Variants in CPNE4 observed in about 807,000 individuals in gnomAD.
CPNE4 encodes the protein copine-4.
A neutral mutation model predicts 67.9 loss-of-function variants in CPNE4; 25 were observed. The observed-to-expected ratio is 0.37, with a 90% confidence interval of 0.27 to 0.51. The LOEUF (loss-of-function observed/expected upper bound fraction) is 0.51. CPNE4 is among the 20% of genes least tolerant of loss of function. CPNE4 has a pLI of 0.93. For missense variants in CPNE4, 464 were observed against 690.8 expected (o/e 0.67, Z 3.68); for synonymous variants, 242 against 244.9 (o/e 0.99, Z 0.11).
chr3:131,586,730 G>A (rs74877086), intron 8 of CPNE4, among the ~76,000 whole-genome samples: 2,155 of 93,348 alleles, frequency 0.023, 26 homozygotes, highest in African/African-American at 0.088. Context: ...ATCTCTATCT[G>A]TCTGTCTGTC....
At chr3:131,680,832 TC>T (rs2080731950) in intron 6 of CPNE4, among the ~76,000 whole-genome samples, 1 of 152,084 alleles carries the variant, frequency 6.6e-6, no homozygotes, top group Non-Finnish European at 1.5e-5. Flanking sequence ...TCCCACCCTT[TC>T]CCCTGCGTCC....
chr3:131,999,031 G>A (rs2073362673), intron 1 of CPNE4, among the ~76,000 whole-genome samples: 1 of 151,874 alleles, frequency 6.6e-6, no homozygotes, highest in Admixed American at 6.6e-5. Context: ...GGTGGGCAGG[G>A]GAGGCTAAGA....
chr3:131,846,283 G>A (rs1337466258), intron 2 of CPNE4, among the ~76,000 whole-genome samples: 1 of 152,102 alleles, frequency 6.6e-6, no homozygotes, highest in Non-Finnish European at 1.5e-5. Flanking sequence ...GGATCCAAGA[G>A]GTGTTCGTTT....
chr3:131,714,440 G>A (rs146360871), intron 3 of CPNE4, among the ~76,000 whole-genome samples: 84 of 152,310 alleles, frequency 5.5e-4, no homozygotes, highest in Non-Finnish European at 9.1e-4. Flanking sequence ...TGAAAGCTGT[G>A]TACATTGGCC....
At chr3:131,808,553 G>T (rs914749275) in intron 2 of CPNE4, among the ~76,000 whole-genome samples, 9 of 151,966 alleles carry the variant, frequency 5.9e-5, no homozygotes, top group African/African-American at 2.2e-4. Flanking sequence ...TATTTTTTAA[G>T]AATTGGTCAT....
intron 3 of CPNE4, 23 bp from the exon 4 acceptor site, chr3:131,700,003 T>C: frequency 6.4e-7 from 1 of 1,552,622 alleles, no homozygotes; most frequent in Non-Finnish European, 8.8e-7. Flanking sequence ...AAACAAAAGG[T>C]AACAAAAGGT....
intron 1 of CPNE4, among the ~76,000 whole-genome samples, chr3:132,029,441 C>T (rs1432994146): frequency 6.6e-6 from 1 of 152,150 alleles, no homozygotes; most frequent in Non-Finnish European, 1.5e-5. Context: ...GCTTATGGGT[C>T]CCGGAGGTTG....
At chr3:131,784,053 T>G (rs2083491862) in intron 2 of CPNE4, among the ~76,000 whole-genome samples, 1 of 152,132 alleles carries the variant, frequency 6.6e-6, no homozygotes. Context: ...TTTTAAGGTT[T>G]TTAACTCTCA....
chr3:131,555,462 T>C (rs1272743601), intron 12 of CPNE4, 35 bp downstream of exon 12: 2 of 1,593,738 alleles, frequency 1.3e-6, no homozygotes, highest in Non-Finnish European at 1.7e-6. Flanking sequence ...TTGACCACAG[T>C]GAAGTGGAAG....
intron 7 of CPNE4, among the ~76,000 whole-genome samples, chr3:131,602,220 A>G (rs924895469): frequency 6.6e-5 from 10 of 152,122 alleles, no homozygotes; most frequent in African/African-American, 1.9e-4. Context: ...GTTTGTGACT[A>G]TGGTAGCAAT....
Position 132,030,858 on chromosome 3 carries a change from T to G in CPNE4, c.-2+3709A>C, listed in dbSNP as rs181906661. Among the ~76,000 whole-genome samples, 4 of 152,342 alleles carry G rather than the reference T, an allele frequency of 2.6e-5. No individual in the cohort carries two copies. The East Asian group carries it at 7.7e-4, about 29-fold the overall frequency. ...ATTATGCAGTCACAAGTTTAGGAGA[T>G]ATTCACTGAGTTTAACACTAATTGA... On this transcript the variant is annotated intron_variant, in intron 1 of 15. Transcript: ENST00000429747.
chr3:131,638,937 T>C (rs147813844), intron 7 of CPNE4, among the ~76,000 whole-genome samples: 37 of 152,214 alleles, frequency 2.4e-4, no homozygotes, highest in African/African-American at 8.9e-4. Flanking sequence ...GAAATCAATA[T>C]GGAAATTAAA....
chr3:131,996,147 A>G (rs1470131806), intron 1 of CPNE4, among the ~76,000 whole-genome samples: 1 of 152,190 alleles, frequency 6.6e-6, no homozygotes, highest in African/African-American at 2.4e-5. Flanking sequence ...AGGACACGAT[A>G]AAATGCTGTC....
Position 131,775,066 on chromosome 3 carries a change from A to T in CPNE4, c.181-51441T>A, listed in dbSNP as rs550482555. ...TGGTCTAATTTCTTCTTTCTTACCT[A>T]GATCTCTTTCCCCAAGGCTAGTAAA... On this transcript the variant is annotated intron_variant, in intron 2 of 15. Coordinates refer to ENST00000429747, the MANE Select transcript of CPNE4 (RefSeq NM_130808.3). 3.3e-5 allele frequency among the ~76,000 whole-genome samples: 5 copies of T among 152,170 alleles called. No homozygotes were observed. The East Asian group carries it at 7.8e-4, about 24-fold the overall frequency.
At chr3:131,666,849 A>T (rs2080276129) in intron 7 of CPNE4, among the ~76,000 whole-genome samples, 1 of 152,328 alleles carries the variant, frequency 6.6e-6, no homozygotes, top group East Asian at 1.9e-4. Context: ...GGCTTCAGAG[A>T]CATCTCAGTC....
intron 1 of CPNE4, among the ~76,000 whole-genome samples, chr3:131,913,627 T>C (rs2089070753): frequency 6.6e-6 from 1 of 152,214 alleles, no homozygotes; most frequent in Non-Finnish European, 1.5e-5. Flanking sequence ...TGTTCTTTCC[T>C]TTTGTTCCTG....
chr3:131,561,887 C>A (rs1936789490), intron 11 of CPNE4, among the ~76,000 whole-genome samples: 1 of 151,992 alleles, frequency 6.6e-6, no homozygotes, highest in Non-Finnish European at 1.5e-5. Context: ...GAGCAGCTTG[C>A]AATACACATT....
intron 7 of CPNE4, among the ~76,000 whole-genome samples, chr3:131,604,649 A>G (rs1272239604): frequency 6.6e-6 from 1 of 152,068 alleles, no homozygotes; most frequent in Non-Finnish European, 1.5e-5. Flanking sequence ...GCCCTCGAAC[A>G]TCGGACTCCA....
chr3:131,669,868 G>T, intron 6 of CPNE4, 104 bp from the exon 7 acceptor site: 2 of 894,442 alleles, frequency 2.2e-6, no homozygotes, highest in Non-Finnish European at 1.8e-6. Flanking sequence ...CTTATGAAAA[G>T]AACAATAGCC....
Sources: gnomAD v4.1 joint callset for allele counts (sites outside exome capture counted in the v4.1 genomes callset) on GRCh38, gnomAD v4.1.1 for gene constraint, MANE v1.5 for transcripts, NCBI Gene and HGNC (gene_info 2026-07-23, HGNC 2026-07-21) for gene names.